NELL1: variants seen among roughly 807,000 people sequenced by gnomAD.
NELL1 encodes the protein protein kinase C-binding protein NELL1.
A neutral mutation model predicts 107.4 loss-of-function variants in NELL1; 76 were observed. That is an observed-to-expected ratio of 0.71 (90% CI 0.59 to 0.86). The LOEUF is 0.86. NELL1 is among the 40% of genes least tolerant of loss of function. NELL1 has a pLI of 0.00. For synonymous variants in NELL1, 353 were observed against 341.2 expected (o/e 1.03, Z -0.38); for missense variants, 1,024 against 1,005.5 (o/e 1.02, Z -0.25).
intron 2 of NELL1, among the ~76,000 whole-genome samples, chr11:20,707,234 G>T (rs1481864073): frequency 1.3e-5 from 2 of 152,112 alleles, no homozygotes; most frequent in African/African-American, 4.8e-5. Flanking sequence ...GGTCTTCTTG[G>T]TGCTGTTTAT....
intron 15 of NELL1, among the ~76,000 whole-genome samples, chr11:21,448,750 C>CAA (rs1853508091): frequency 6.6e-6 from 1 of 152,164 alleles, no homozygotes; most frequent in Non-Finnish European, 1.5e-5. Context: ...TTCCAAATGA[C>CAA]AAACACTGAT....
intron 15 of NELL1, among the ~76,000 whole-genome samples, chr11:21,374,464 T>C (rs1851422871): frequency 6.6e-6 from 1 of 151,790 alleles, no homozygotes; most frequent in African/African-American, 2.4e-5. Context: ...CGTCAAGTGA[T>C]GAGAAAGAGA....
At chr11:21,524,463 T>C (rs1333874053) in intron 15 of NELL1, among the ~76,000 whole-genome samples, 3 of 152,136 alleles carry the variant, frequency 2.0e-5, no homozygotes, top group Non-Finnish European at 4.4e-5. Flanking sequence ...TTAAACACTA[T>C]AGGAATTCAG....
At chr11:21,354,350 C>T (rs1590863299) in intron 14 of NELL1, among the ~76,000 whole-genome samples, 1 of 151,980 alleles carries the variant, frequency 6.6e-6, no homozygotes, top group Admixed American at 6.6e-5. Context: ...TCTTTTCCTC[C>T]CTCCTTCTTT....
chr11:20,797,911 T>C (rs1239783832), intron 3 of NELL1, among the ~76,000 whole-genome samples: 1 of 152,190 alleles, frequency 6.6e-6, no homozygotes, highest in Non-Finnish European at 1.5e-5. Context: ...TTACCACAAA[T>C]ACAGAAAAGT....
intron 13 of NELL1, among the ~76,000 whole-genome samples, chr11:21,176,583 T>C (rs1229569253): frequency 2.0e-5 from 3 of 151,804 alleles, no homozygotes; most frequent in African/African-American, 7.3e-5. Context: ...TTTTAGGCCT[T>C]AAAATTTGAT....
intron 13 of NELL1, among the ~76,000 whole-genome samples, chr11:21,215,674 T>A (rs1295907927): frequency 3.9e-5 from 6 of 152,192 alleles, no homozygotes; most frequent in Non-Finnish European, 8.8e-5. Flanking sequence ...ATTCTTGTAA[T>A]GCTTCAGCAA....
intron 2 of NELL1, among the ~76,000 whole-genome samples, chr11:20,744,841 C>A (rs1855968613): frequency 6.6e-6 from 1 of 152,196 alleles, no homozygotes; most frequent in African/African-American, 2.4e-5. Flanking sequence ...ACAGTCCAGA[C>A]CATGATACTC....
intron 17 of NELL1, 63 bp from the exon 18 acceptor site, chr11:21,570,701 T>A: frequency 6.6e-7 from 1 of 1,516,550 alleles, no homozygotes; most frequent in Non-Finnish European, 9.0e-7. Context: ...AGTTCATTTC[T>A]CTTAGTGTAG....
intron 3 of NELL1, among the ~76,000 whole-genome samples, chr11:20,821,007 C>T (rs142398229): frequency 2.9e-4 from 44 of 152,342 alleles, no homozygotes; most frequent in African/African-American, 9.9e-4. Context: ...TTGAACAATG[C>T]ATGGCACCTT....
At chr11:20,672,742 T>C (rs1474789959) in intron 1 of NELL1, among the ~76,000 whole-genome samples, 1 of 152,206 alleles carries the variant, frequency 6.6e-6, no homozygotes, top group African/African-American at 2.4e-5. Context: ...CACATTGCTT[T>C]CCAGTTTGTT....
chr11:21,382,510 A>G (rs1178026899), intron 15 of NELL1, among the ~76,000 whole-genome samples: 1 of 151,964 alleles, frequency 6.6e-6, no homozygotes, highest in African/African-American at 2.4e-5. Context: ...GATTTTATAG[A>G]TCTCAAGTTG....
At position 21,307,473 on chromosome 11, in the gene NELL1, C is replaced by T. The variant is rs745694528; in HGVS notation, c.1550-63380C>T. On this transcript the variant is annotated intron_variant, in intron 14 of 19. Coordinates refer to ENST00000357134, the MANE Select transcript of NELL1 (RefSeq NM_006157.5). ...CCCAAACACACACCTACATATTTAC[C>T]GGTACACTCACACACAGGAAAATAC... 9.9e-5 allele frequency among the ~76,000 whole-genome samples: 15 copies of T among 151,950 alleles called. No homozygotes were observed. In the South Asian group the frequency reaches 1.7e-3, roughly 17 times the overall value.
intron 3 of NELL1, among the ~76,000 whole-genome samples, chr11:20,791,443 C>A (rs1258952163): frequency 1.3e-5 from 2 of 152,156 alleles, no homozygotes; most frequent in Non-Finnish European, 2.9e-5. Flanking sequence ...CCTTGGTAAG[C>A]TTATTGATTA....
At chr11:21,529,730 T>C (rs1314891657) in intron 15 of NELL1, among the ~76,000 whole-genome samples, 2 of 152,076 alleles carry the variant, frequency 1.3e-5, no homozygotes, top group African/African-American at 2.4e-5. Flanking sequence ...TATTATTATA[T>C]ATATTTTTAT....
intron 10 of NELL1, among the ~76,000 whole-genome samples, chr11:20,941,887 A>G (rs1218623273): frequency 6.6e-6 from 1 of 152,166 alleles, no homozygotes; most frequent in Non-Finnish European, 1.5e-5. Flanking sequence ...AAGGCAGGAG[A>G]GCAAGTACAA....
chr11:21,525,516 G>C (rs1334231659), intron 15 of NELL1, among the ~76,000 whole-genome samples: 1 of 152,214 alleles, frequency 6.6e-6, no homozygotes, highest in African/African-American at 2.4e-5. Flanking sequence ...CATTCAGCTG[G>C]TTAGCAGCAG....
At chr11:21,377,540 T>C (rs1385405056) in intron 15 of NELL1, among the ~76,000 whole-genome samples, 1 of 152,038 alleles carries the variant, frequency 6.6e-6, no homozygotes, top group African/African-American at 2.4e-5. Flanking sequence ...GTTTTGCTAT[T>C]AGGGTGATGC....
At chr11:20,674,918 A>C (rs954159557) in intron 1 of NELL1, among the ~76,000 whole-genome samples, 1 of 152,192 alleles carries the variant, frequency 6.6e-6, no homozygotes, top group Non-Finnish European at 1.5e-5. Context: ...TGTCATAATA[A>C]TTTTGTATAA....
Sources: gnomAD v4.1 joint callset for allele counts (sites outside exome capture counted in the v4.1 genomes callset) on GRCh38, gnomAD v4.1.1 for gene constraint, MANE v1.5 for transcripts, NCBI Gene and HGNC (gene_info 2026-07-23, HGNC 2026-07-21) for gene names.